CRACR2A: variants seen among roughly 807,000 people sequenced by gnomAD.
CRACR2A encodes EF-hand calcium-binding domain-containing protein 4B.
A neutral mutation model predicts 90.5 loss-of-function variants in CRACR2A; 79 were observed. The observed-to-expected ratio is 0.87, with a 90% confidence interval of 0.73 to 1.05. CRACR2A has a LOEUF of 1.05. Among genes scored for constraint, CRACR2A ranks in the 50% least tolerant of loss-of-function variants. The pLI is 0.00. For missense variants in CRACR2A, 823 were observed against 897.2 expected (o/e 0.92, Z 1.06); for synonymous variants, 338 against 356.7 (o/e 0.95, Z 0.59).
intron 11 of CRACR2A, chr12:3,647,972 G>T: frequency 1.0e-6 from 1 of 985,602 alleles, no homozygotes; most frequent in Non-Finnish European, 1.2e-6. Context: ...ATTGCTGGGG[G>T]TCTTTGAAGG....
chr12:3,648,247 C>G, intron 11 of CRACR2A: 1 of 1,289,968 alleles, frequency 7.8e-7, no homozygotes, highest in East Asian at 2.8e-5. Flanking sequence ...AAACCCAGCT[C>G]TGCTCGCATG....
chr12:3,713,226 C>T lies in CRACR2A; in HGVS notation c.-37+11G>A, dbSNP rs1157939753. On this transcript the variant is annotated intron_variant, in intron 3 of 19. Coordinates refer to ENST00000440314, the MANE Select transcript of CRACR2A (RefSeq NM_001144958.2). ...ACTCTGCAACCTGTCGCCTTTTGTT[C>T]GCTCACTCACCTTGCAGCTCCCGGC... 4.2e-5 allele frequency: 41 copies of T among 985,068 alleles called. No homozygotes were observed. Among genetic ancestry groups the T allele is most frequent in the Non-Finnish European group, 4.7e-5 (39 of 829,816 alleles). The allele number at this position is 985,068 out of a possible 1,614,324, so 61.0% of individuals were successfully genotyped here.
intron 17 of CRACR2A, among the ~76,000 whole-genome samples, chr12:3,622,804 G>A (rs1206634064): frequency 6.6e-6 from 1 of 152,140 alleles, no homozygotes; most frequent in Non-Finnish European, 1.5e-5. Flanking sequence ...TATCTTGGGG[G>A]TTTCCATATT....
chr12:3,679,237 T>C (rs56290125), intron 5 of CRACR2A, 139 bp from the exon 6 acceptor site: 93,920 of 789,710 alleles, frequency 0.12, 6,023 homozygotes, highest in Admixed American at 0.21. Flanking sequence ...CAAAGATCCA[T>C]GGACATGGGT....
At chr12:3,716,886 A>T (rs894013560) in intron 2 of CRACR2A, among the ~76,000 whole-genome samples, 2 of 152,014 alleles carry the variant, frequency 1.3e-5, no homozygotes, top group African/African-American at 4.8e-5. Context: ...AGTTAGTATG[A>T]GTTTATTTTG....
chr12:3,639,717 A>T (rs1944528479), intron 13 of CRACR2A, among the ~76,000 whole-genome samples: 1 of 152,228 alleles, frequency 6.6e-6, no homozygotes, highest in South Asian at 2.1e-4. Flanking sequence ...TCTGCAAGAT[A>T]AATTACGATA....
intron 2 of CRACR2A, among the ~76,000 whole-genome samples, chr12:3,716,927 T>C (rs1021348657): frequency 6.6e-6 from 1 of 152,172 alleles, no homozygotes; most frequent in African/African-American, 2.4e-5. Context: ...TTCTTGTATT[T>C]TTTTTAATAA....
chr12:3,730,500 AG>A (rs1161810944), intron 2 of CRACR2A: 2 of 152,234 alleles, frequency 1.3e-5, no homozygotes, highest in African/African-American at 4.8e-5. Flanking sequence ...ATGAAATGGC[AG>A]GTTTATTCCG....
intron 10 of CRACR2A, among the ~76,000 whole-genome samples, chr12:3,650,587 C>G (rs1944777055): frequency 6.6e-6 from 1 of 152,202 alleles, no homozygotes; most frequent in Admixed American, 6.5e-5. Flanking sequence ...GCTCCCGACT[C>G]TGAGCCCTGG....
intron 3 of CRACR2A, among the ~76,000 whole-genome samples, chr12:3,703,935 C>T (rs1945874565): frequency 6.6e-6 from 1 of 152,178 alleles, no homozygotes; most frequent in Non-Finnish European, 1.5e-5. Context: ...CAACTCTTGG[C>T]AAAGATGTGG....
chr12:3,655,041 A>T (rs980411112), intron 9 of CRACR2A, among the ~76,000 whole-genome samples: 2 of 152,212 alleles, frequency 1.3e-5, no homozygotes, highest in Admixed American at 6.5e-5. Flanking sequence ...GCTGTTGATT[A>T]TGCTTTGCAG....
intron 1 of CRACR2A, among the ~76,000 whole-genome samples, chr12:3,744,395 A>C (rs1410428915): frequency 6.6e-6 from 1 of 152,208 alleles, no homozygotes. Flanking sequence ...TCGAGTAGAC[A>C]CTAATGTGCC....
rs1026339830 is a variant in CRACR2A at position 3,633,692 on chromosome 12, C to T, written c.1647G>A (p.Val549=). 19 of 1,551,760 alleles carry T rather than the reference C, an allele frequency of 1.2e-5. No individual in the cohort carries two copies. The highest frequency in any genetic ancestry group is 1.7e-5 in the Non-Finnish European group (19 of 1,147,000). The change falls in exon 15 of 20, where the codon GTG becomes GTA. Residue 549 remains valine, a synonymous_variant. Coordinates refer to ENST00000440314, the MANE Select transcript of CRACR2A (RefSeq NM_001144958.2). This position sits in a 1 kb window ranked among gnomAD's most constrained non-coding sequence, Gnocchi z 4.5. ...PSAPDRLFKI[V]FVGNSAVGKT... ...TCCCCACCGCGGAATTGCCCACGAA[C>T]ACAATCTTGAAGAGCCGGTCAGGGG... is the stretch of plus-strand genomic sequence containing the variant.
chr12:3,752,134 G>T (rs1234385393), intron 1 of CRACR2A, among the ~76,000 whole-genome samples: 1 of 152,176 alleles, frequency 6.6e-6, no homozygotes, highest in African/African-American at 2.4e-5. Context: ...GACTCCCACG[G>T]ATTGGCTCTT....
chr12:3,657,051 C>T (rs546835230), intron 8 of CRACR2A, among the ~76,000 whole-genome samples: 125 of 152,288 alleles, frequency 8.2e-4, no homozygotes, highest in Non-Finnish European at 1.1e-3. Flanking sequence ...AGGGGCCTGG[C>T]TATGGGACGA....
chr12:3,619,749 G>C (rs1350907430), intron 17 of CRACR2A, among the ~76,000 whole-genome samples: 1 of 152,224 alleles, frequency 6.6e-6, no homozygotes, highest in Non-Finnish European at 1.5e-5. Context: ...CACCCTGAGG[G>C]CGTGCCTAAT....
chr12:3,668,790 T>A (rs1353568359), intron 7 of CRACR2A, among the ~76,000 whole-genome samples: 1 of 152,164 alleles, frequency 6.6e-6, no homozygotes, highest in Non-Finnish European at 1.5e-5. Flanking sequence ...GGAATCACCA[T>A]GGACCGGAAG....
At position 3,718,848 on chromosome 12, in the gene CRACR2A, C is replaced by T. The variant is rs1182055788; in HGVS notation, c.-117-5531G>A. ...TGTATCCCTGGCATCCAGAAAAGCACCTGAATGGATGAGTGAGCCAGTGAG... is the reference window on the plus strand; with the variant it reads ...TGTATCCCTGGCATCCAGAAAAGCATCTGAATGGATGAGTGAGCCAGTGAG... On this transcript the variant is annotated intron_variant, in intron 2 of 19. Transcript: ENST00000440314. Among the ~76,000 whole-genome samples, 5 of 152,236 alleles carry T rather than the reference C, an allele frequency of 3.3e-5. No individual in the cohort carries two copies. The South Asian group carries it at 6.2e-4, about 19-fold the overall frequency.
chr12:3,681,837 C>T (rs772461817), intron 4 of CRACR2A, among the ~76,000 whole-genome samples: 8 of 152,256 alleles, frequency 5.3e-5, no homozygotes, highest in Middle Eastern at 3.4e-3. Flanking sequence ...CAGGTACATG[C>T]ATTAAGGGAG....
Sources: allele counts gnomAD v4.1 joint callset (sites outside exome capture counted in the v4.1 genomes callset), GRCh38; gene constraint gnomAD v4.1.1; non-coding constraint Gnocchi (gnomAD v3.1); transcripts MANE v1.5; gene names NCBI Gene and HGNC (gene_info 2026-07-23, HGNC 2026-07-21).